CDON: variants seen among roughly 807,000 people sequenced by gnomAD.
CDON encodes cell adhesion molecule-related/down-regulated by oncogenes.
In CDON, 73 loss-of-function variants were observed where a neutral mutation model predicts 120.9. That is an observed-to-expected ratio of 0.60 (90% CI 0.50 to 0.73). The LOEUF is 0.73. CDON is among the 30% of genes least tolerant of loss of function. The pLI is 0.00. For synonymous variants in CDON, 566 were observed against 573.5 expected (o/e 0.99, Z 0.19); for missense variants, 1,470 against 1,587.3 (o/e 0.93, Z 1.26).
chr11:125,971,895 C>T (rs1055654610), intron 18 of CDON, among the ~76,000 whole-genome samples: 1 of 152,190 alleles, frequency 6.6e-6, no homozygotes, highest in African/African-American at 2.4e-5. Context: ...AACTGATAAG[C>T]CACATTTAAT....
chr11:126,010,078 C>T (rs929309660), intron 8 of CDON, among the ~76,000 whole-genome samples: 48 of 152,280 alleles, frequency 3.2e-4, no homozygotes, highest in Middle Eastern at 6.8e-3. Flanking sequence ...ATCTCAAAGA[C>T]AGGTTATATT....
chr11:125,988,222 T>C (rs986939088), intron 15 of CDON, among the ~76,000 whole-genome samples: 4 of 152,008 alleles, frequency 2.6e-5, no homozygotes, highest in African/African-American at 4.8e-5. Context: ...GTAGAGGACG[T>C]TGGGGGAAAT....
intron 6 of CDON, among the ~76,000 whole-genome samples, chr11:126,016,165 A>G (rs1288191839): frequency 6.6e-6 from 1 of 152,224 alleles, no homozygotes; most frequent in Non-Finnish European, 1.5e-5. Context: ...TAAATATTAT[A>G]AATACATGCA....
intron 18 of CDON, among the ~76,000 whole-genome samples, chr11:125,966,770 A>G (rs1362012248): frequency 1.3e-5 from 2 of 152,212 alleles, no homozygotes; most frequent in Non-Finnish European, 2.9e-5. Context: ...ATAGCTGTAC[A>G]GATGATTTTT....
At chr11:126,007,231 AG>A (rs1246605651) in intron 8 of CDON, among the ~76,000 whole-genome samples, 4 of 152,214 alleles carry the variant, frequency 2.6e-5, no homozygotes, top group Admixed American at 2.6e-4. Flanking sequence ...TTTTGGGAGA[AG>A]GGCTGCACTG....
intron 14 of CDON, among the ~76,000 whole-genome samples, chr11:125,992,316 G>T (rs1025463486): frequency 6.6e-6 from 1 of 152,054 alleles, no homozygotes; most frequent in Non-Finnish European, 1.5e-5. Context: ...TTTTACTTTT[G>T]CACCAACCTA....
intron 14 of CDON, among the ~76,000 whole-genome samples, chr11:125,990,959 G>A (rs1487940670): frequency 6.6e-6 from 1 of 152,132 alleles, no homozygotes; most frequent in African/African-American, 2.4e-5. Context: ...GTTGAAAATG[G>A]AATAGATCTG....
intron 11 of CDON, among the ~76,000 whole-genome samples, chr11:125,999,636 T>C (rs1376093035): frequency 6.6e-6 from 1 of 152,174 alleles, no homozygotes; most frequent in Admixed American, 6.5e-5. Context: ...TGGTAAATGG[T>C]CTTCTGGTGC....
At chr11:126,000,249 C>A (rs1285248639) in intron 11 of CDON, among the ~76,000 whole-genome samples, 1 of 152,134 alleles carries the variant, frequency 6.6e-6, no homozygotes, top group East Asian at 1.9e-4. Context: ...ACTCTGTCAC[C>A]CAGGCTGGAG....
At position 126,001,704 on chromosome 11, in the gene CDON, T is replaced by C. The variant is rs1475534926; in HGVS notation, c.2158+15A>G. On this transcript the variant is annotated intron_variant, in intron 11 of 19. Transcript: ENST00000531738. The stretch of plus-strand genomic sequence containing the variant: ...TTATATTTGTAAAGAAACAATAAAA[T>C]ATTCTTCTTTTTACCTCCACTGTGC... 1 of 1,610,338 alleles carries C rather than the reference T, an allele frequency of 6.2e-7. No homozygotes were observed. Among genetic ancestry groups the C allele is most frequent in the African/African-American group, 1.3e-5 (1 of 74,828 alleles).
intron 1 of CDON, among the ~76,000 whole-genome samples, chr11:126,061,713 G>T (rs1027208613): frequency 6.6e-6 from 1 of 152,184 alleles, no homozygotes; most frequent in South Asian, 2.1e-4. Context: ...GTTTTTCAAG[G>T]TGTCTGGTTT....
intron 1 of CDON, among the ~76,000 whole-genome samples, chr11:126,031,383 T>C (rs920644613): frequency 2.6e-5 from 4 of 152,224 alleles, no homozygotes; most frequent in Non-Finnish European, 5.9e-5. Context: ...CTTCGTTTTA[T>C]TCAGTACAAC....
chr11:125,993,362 CTCTG>C (rs1458476243), intron 14 of CDON, among the ~76,000 whole-genome samples: 58 of 147,438 alleles, frequency 3.9e-4, no homozygotes, highest in African/African-American at 1.3e-3. Flanking sequence ...CACACACAGT[CTCTG>C]TCTCTCACAC....
intron 1 of CDON, among the ~76,000 whole-genome samples, chr11:126,052,324 C>CA (rs1300287422): frequency 6.6e-6 from 1 of 152,082 alleles, no homozygotes; most frequent in African/African-American, 2.4e-5. Context: ...AAAAAGGACT[C>CA]ATACTATGAA....
chr11:126,017,407 G>T, intron 5 of CDON, 32 bp from the exon 6 acceptor site: 2 of 1,602,336 alleles, frequency 1.2e-6, no homozygotes, highest in Non-Finnish European at 1.7e-6. Flanking sequence ...GAGATTATTA[G>T]TAAGTCTTCG....
In CDON at chr11:125,961,097, A is replaced by G. The variant is rs752553745; in HGVS notation, c.3640T>C (p.Cys1214Arg). ...DPAEFSRGDS[C>R]AHSETEINIV... Reference sequence around the variant, plus strand: ...TTGATCTCTGTTTCTGAATGGGCACAGCTGTCTCCTGAAACACAGCAGGGT... The same window carrying G: ...TTGATCTCTGTTTCTGAATGGGCACGGCTGTCTCCTGAAACACAGCAGGGT... The change falls in exon 20 of 20, where the codon TGT becomes CGT. Residue 1214 changes from cysteine (C) to arginine (R), a missense_variant. Physicochemically the swap from Cys to Arg is radical, Grantham distance 180 (BLOSUM62 -3). Transcript: ENST00000531738. The G allele has an allele frequency of 6.2e-7, 1 of 1,613,882 alleles. No individual in the cohort carries two copies. Among genetic ancestry groups the G allele is most frequent in the East Asian group, 2.2e-5 (1 of 44,878 alleles).
chr11:125,981,437 C>A (rs969234165), intron 16 of CDON, 108 bp from the exon 17 acceptor site: 3 of 1,076,670 alleles, frequency 2.8e-6, no homozygotes, highest in Non-Finnish European at 4.0e-6. Context: ...CACGCACACA[C>A]GCACACAGTA....
At chr11:125,978,023 C>A (rs1357333851) in intron 18 of CDON, among the ~76,000 whole-genome samples, 3 of 151,940 alleles carry the variant, frequency 2.0e-5, no homozygotes, top group Non-Finnish European at 4.4e-5. Flanking sequence ...CAGAGAATGA[C>A]TCTAATTTAA....
intron 1 of CDON, among the ~76,000 whole-genome samples, chr11:126,042,473 G>A (rs1415160881): frequency 6.6e-6 from 1 of 152,132 alleles, no homozygotes; most frequent in Non-Finnish European, 1.5e-5. Flanking sequence ...AAGCAGACAA[G>A]AACTGGATTG....
Sources: gnomAD v4.1 joint callset for allele counts (sites outside exome capture counted in the v4.1 genomes callset) on GRCh38, gnomAD v4.1.1 for gene constraint, MANE v1.5 for transcripts, NCBI Gene and HGNC (gene_info 2026-07-23, HGNC 2026-07-21) for gene names.